Variants in DTWD2 observed in about 807,000 individuals in gnomAD.
The protein encoded by DTWD2 is tRNA-uridine aminocarboxypropyltransferase 2.
Under a neutral mutation model 31.8 loss-of-function variants are expected in DTWD2, and 39 were observed. The ratio of observed to expected loss-of-function variants is 1.22; its 90% CI spans 0.95 to 1.60. DTWD2 has a LOEUF of 1.60. Among genes scored for constraint, DTWD2 ranks in the 40% most tolerant of loss-of-function variants. The pLI is 0.00. For missense variants in DTWD2, 515 were observed against 381.5 expected (o/e 1.35, Z -2.92); for synonymous variants, 180 against 142.8 (o/e 1.26, Z -1.86).
chr5:118,878,374 T>G (rs898756219), intron 4 of DTWD2, among the ~76,000 whole-genome samples: 1 of 152,158 alleles, frequency 6.6e-6, no homozygotes, highest in Non-Finnish European at 1.5e-5. Context: ...TACAACTATC[T>G]GATCTTTGTC....
chr5:118,981,764 G>A (rs1755306122), intron 1 of DTWD2, among the ~76,000 whole-genome samples: 2 of 152,154 alleles, frequency 1.3e-5, no homozygotes, highest in South Asian at 2.1e-4. Flanking sequence ...AAAGAATTCA[G>A]GAGATACAGG....
At chr5:118,985,490 T>TTATATATATATATACATATA (rs1554072597) in intron 1 of DTWD2, among the ~76,000 whole-genome samples, 1 of 95,428 alleles carries the variant, frequency 1.0e-5, no homozygotes, top group East Asian at 3.6e-4. Context: ...ATGTGCATTT[T>TTATATATATATATACATATA]TATATATATA....
chr5:118,884,880 C>T (rs1752822584), intron 4 of DTWD2, among the ~76,000 whole-genome samples: 1 of 151,228 alleles, frequency 6.6e-6, no homozygotes, highest in Non-Finnish European at 1.5e-5. Context: ...GTGGCAGTCC[C>T]AGCTACTTGG....
At chr5:118,923,424 CT>C (rs1753745421) in intron 4 of DTWD2, among the ~76,000 whole-genome samples, 1 of 152,122 alleles carries the variant, frequency 6.6e-6, no homozygotes, top group African/African-American at 2.4e-5. Context: ...GAAATATGAC[CT>C]TCCGGGTATA....
chr5:118,944,678 G>A (rs532836497), intron 1 of DTWD2, 29 bp from the exon 2 acceptor site: 2 of 1,598,664 alleles, frequency 1.3e-6, no homozygotes, highest in Non-Finnish European at 1.7e-6. Flanking sequence ...AATAAAACTG[G>A]TAAATTTTAA....
intron 1 of DTWD2, among the ~76,000 whole-genome samples, chr5:118,965,076 C>G (rs1395363990): frequency 6.6e-6 from 1 of 151,204 alleles, no homozygotes; most frequent in African/African-American, 2.4e-5. Flanking sequence ...GTGAGGAGCA[C>G]CACTGCCCGG....
intron 4 of DTWD2, among the ~76,000 whole-genome samples, chr5:118,889,885 C>G (rs1752942353): frequency 6.6e-6 from 1 of 152,094 alleles, no homozygotes; most frequent in Non-Finnish European, 1.5e-5. Flanking sequence ...TCAAGATCCT[C>G]TGGCTTCAAA....
chr5:118,944,142 AATTT>A (rs1754273694), intron 2 of DTWD2, among the ~76,000 whole-genome samples: 1 of 152,310 alleles, frequency 6.6e-6, no homozygotes, highest in South Asian at 2.1e-4. Flanking sequence ...ATAAACCAAA[AATTT>A]ATTTATACAT....
chr5:118,873,168 C>G (rs1384099901), intron 4 of DTWD2, among the ~76,000 whole-genome samples: 1 of 152,198 alleles, frequency 6.6e-6, no homozygotes, highest in Non-Finnish European at 1.5e-5. Context: ...CTTAGAGAAC[C>G]CAGAGGGTTT....
chr5:118,899,739 T>C (rs1753162182), intron 4 of DTWD2, among the ~76,000 whole-genome samples: 1 of 152,026 alleles, frequency 6.6e-6, no homozygotes, highest in Non-Finnish European at 1.5e-5. Flanking sequence ...CATAGTTCTG[T>C]CAGTTTTAAA....
intron 3 of DTWD2, among the ~76,000 whole-genome samples, chr5:118,932,663 C>T (rs1753953530): frequency 6.6e-6 from 1 of 152,064 alleles, no homozygotes; most frequent in African/African-American, 2.4e-5. Context: ...GAAATTTGGA[C>T]ACAAAAGAAG....
chr5:118,956,636 T>G (rs1315967635), intron 1 of DTWD2, among the ~76,000 whole-genome samples: 1 of 152,236 alleles, frequency 6.6e-6, no homozygotes, highest in Non-Finnish European at 1.5e-5. Context: ...ACAGTACTGA[T>G]TTTAATCAAG....
At position 118,915,669 on chromosome 5, in the gene DTWD2, C is replaced by A. The variant is rs114532954; in HGVS notation, c.597+12868G>T. 6.1e-3 allele frequency among the ~76,000 whole-genome samples: 929 copies of A among 152,254 alleles called. 5 individuals are homozygous for A. The highest frequency in any genetic ancestry group is 0.022 in the African/African-American group (894 of 41,542). ...GATTACAGGCGTGAGCCACTACGCC[C>A]GGCCTAATCTTTGAAATTTAACTGA... On this transcript the variant is annotated intron_variant, in intron 4 of 5. Coordinates refer to ENST00000510708, the MANE Select transcript of DTWD2 (RefSeq NM_173666.4).
chr5:118,863,422 T>C (rs375372976), intron 4 of DTWD2, among the ~76,000 whole-genome samples: 12 of 152,320 alleles, frequency 7.9e-5, no homozygotes, highest in African/African-American at 2.6e-4. Context: ...GAAGAAAACA[T>C]CTTATTCAAG....
intron 4 of DTWD2, among the ~76,000 whole-genome samples, chr5:118,918,689 A>G (rs1753635122): frequency 6.6e-6 from 1 of 152,156 alleles, no homozygotes; most frequent in Non-Finnish European, 1.5e-5. Context: ...CCACTCTTGC[A>G]TCAAGAATGT....
At chr5:118,921,590 T>C (rs927060148) in intron 4 of DTWD2, among the ~76,000 whole-genome samples, 2 of 151,480 alleles carry the variant, frequency 1.3e-5, no homozygotes, top group Non-Finnish European at 1.5e-5. Context: ...TGTTAGACCA[T>C]GGGCATTTTG....
In DTWD2 at chr5:118,837,905, G is replaced by A. The variant is rs911679643; in HGVS notation, c.*3012C>T. 2.6e-5 allele frequency: 4 copies of A among 152,112 alleles called. No homozygotes were observed. The highest frequency in any genetic ancestry group is 1.3e-4 in the Admixed American group (2 of 15,256). The allele number at this position is 152,112 out of a possible 1,614,324, so 9.4% of individuals were successfully genotyped here. On this transcript the variant is annotated 3_prime_UTR_variant, in exon 6 of 6. Coordinates refer to ENST00000510708, the MANE Select transcript of DTWD2 (RefSeq NM_173666.4). ...CTGCACTCCAAACTGGGTGACAGAA[G>A]GAGGCCCTGTCTCTAAAATACATAA...
At chr5:118,975,358 G>C (rs1755128568) in intron 1 of DTWD2, among the ~76,000 whole-genome samples, 1 of 152,072 alleles carries the variant, frequency 6.6e-6, no homozygotes. Flanking sequence ...TTCTCATGCT[G>C]TGTATTTCAG....
At chr5:118,922,557 G>T in intron 4 of DTWD2, among the ~76,000 whole-genome samples, 1 of 152,128 alleles carries the variant, frequency 6.6e-6, no homozygotes, top group Middle Eastern at 3.4e-3. Context: ...TTATAGATTT[G>T]GGAAACTTAT....
Sources: allele counts gnomAD v4.1 joint callset (sites outside exome capture counted in the v4.1 genomes callset), GRCh38; gene constraint gnomAD v4.1.1; transcripts MANE v1.5; gene names NCBI Gene and HGNC (gene_info 2026-07-23, HGNC 2026-07-21).